NTNG2: variants seen among roughly 807,000 people sequenced by gnomAD.
The protein encoded by NTNG2 is netrin G2, also known as netrin-G2.
In NTNG2, 15 loss-of-function variants were observed where a neutral mutation model predicts 47.6. That is an observed-to-expected ratio of 0.32 (90% CI 0.21 to 0.49). The LOEUF is 0.49. Ranked by LOEUF, NTNG2 falls within the 20% of genes least tolerant of loss-of-function variation. NTNG2 has a pLI of 0.99. For missense variants in NTNG2, 578 were observed against 764.6 expected (o/e 0.76, Z 2.88); for synonymous variants, 307 against 324.6 (o/e 0.95, Z 0.58).
In NTNG2 at chr9:132,241,983, C is replaced by A. The variant is rs780157790; in HGVS notation, c.1465C>A (p.Pro489Thr). The stretch of plus-strand genomic sequence containing the variant: ...CTACACCGGCGTGCGCTGCGAGCAG[C>A]CCCGCTGCGACCCCGCCGACGATGA... Reference protein sequence around the residue: ...RGYTGVRCEQPRCDPADDDGG... With the variant: ...RGYTGVRCEQTRCDPADDDGG... The change falls in exon 8 of 8, where the codon CCC becomes ACC. Residue 489 changes from proline (P) to threonine (T), a missense_variant. By Grantham distance (38) the Pro-to-Thr change is conservative. Transcript: ENST00000393229. 1.0e-4 allele frequency: 156 copies of A among 1,503,238 alleles called. No homozygotes were observed. The highest frequency in any genetic ancestry group is 8.6e-4 in the Admixed American group (40 of 46,592). The allele number at this position is 1,503,238 out of a possible 1,614,324, so 93.1% of individuals were successfully genotyped here.
intron 4 of NTNG2, among the ~76,000 whole-genome samples, 196 bp downstream of exon 4, chr9:132,227,217 ACGTGCATGCACAGAAACACACGTG>A (rs1336672128): frequency 1.3e-5 from 2 of 152,174 alleles, no homozygotes; most frequent in Admixed American, 6.5e-5. Context: ...ATGCAAAAAC[ACGTGCATGCACAGAAACACACGTG>A]CGTGCATGCA....
chr9:132,171,334 G>C (rs7858628), intron 2 of NTNG2, among the ~76,000 whole-genome samples: 36,074 of 152,120 alleles, frequency 0.24, 4,924 homozygotes, highest in African/African-American at 0.37. Flanking sequence ...CCGACTTCCT[G>C]GGAGAGGAAA....
intron 3 of NTNG2, among the ~76,000 whole-genome samples, chr9:132,224,732 C>T (rs1424689889): frequency 6.6e-6 from 1 of 152,156 alleles, no homozygotes; most frequent in African/African-American, 2.4e-5. Context: ...GAATATAGAG[C>T]ACACTCTGTC....
At position 132,239,229 on chromosome 9, in the gene NTNG2, C is replaced by T. The variant is rs1355582431; in HGVS notation, c.1180C>T (p.Arg394Cys). Residue 394 changes from arginine to cysteine, a missense_variant, in exon 6 of 8, where the codon CGC becomes TGC. Transcript: ENST00000393229. ...HCQHCRLGYYRNGSAELDDEN... is the reference protein window; with the variant it reads ...HCQHCRLGYYCNGSAELDDEN... ...CCAGCACTGCCGGCTGGGCTACTACCGCAACGGCTCGGCAGAGCTGGATGA... is the reference window on the plus strand; with the variant it reads ...CCAGCACTGCCGGCTGGGCTACTACTGCAACGGCTCGGCAGAGCTGGATGA... 6.2e-7 allele frequency: 1 copy of T among 1,613,726 alleles called. No homozygotes were observed. Among genetic ancestry groups the T allele is most frequent in the Admixed American group, 1.7e-5 (1 of 60,020 alleles).
Position 132,166,927 on chromosome 9 carries a change from C to A in NTNG2, c.96C>A (p.Pro32=). 6.2e-7 allele frequency: 1 copy of A among 1,614,242 alleles called. No homozygotes were observed. The highest frequency in any genetic ancestry group is 8.5e-7 in the Non-Finnish European group (1 of 1,180,032). ...CKSWVTTDEG[P]TWEFYACQPK... is the part of the protein sequence containing the mutation. ...CCTGGGTGACCACAGATGAGGGCCC[C>A]ACCTGGGAGTTCTACGCCTGCCAGC... Residue 32 remains proline, a synonymous_variant, in exon 2 of 8, where the codon CCC becomes CCA. Coordinates refer to ENST00000393229, the MANE Select transcript of NTNG2 (RefSeq NM_032536.4).
intron 3 of NTNG2, among the ~76,000 whole-genome samples, chr9:132,220,862 ATTAT>A (rs1165784928): frequency 6.6e-6 from 1 of 152,146 alleles, no homozygotes; most frequent in Non-Finnish European, 1.5e-5. Flanking sequence ...GGTCTCCCAT[ATTAT>A]TTATTTATTT....
intron 3 of NTNG2, among the ~76,000 whole-genome samples, chr9:132,225,978 A>G (rs913547688): frequency 6.6e-6 from 1 of 151,926 alleles, no homozygotes. Flanking sequence ...TAGAGGCTTG[A>G]TCTGATTCAG....
chr9:132,213,195 G>A (rs557432157), intron 3 of NTNG2, among the ~76,000 whole-genome samples: 12 of 152,188 alleles, frequency 7.9e-5, no homozygotes, highest in South Asian at 6.2e-4. Flanking sequence ...AGTGGTGCAT[G>A]CCTATAATCC....
Position 132,242,175 on chromosome 9 carries a change from C to T in NTNG2, c.*64C>T. 1.2e-6 allele frequency: 1 copy of T among 848,920 alleles called. No homozygotes were observed. The highest frequency in any genetic ancestry group is 5.6e-5 in the South Asian group (1 of 18,010). 52.6% of individuals were successfully genotyped at this position (848,920 alleles called of 1,614,324 possible). A position where few individuals can be genotyped will look rare whatever the true frequency, so the allele number is the denominator to read the frequency against. ...GGGTCCCGGGGTCCCGGGGCGGGGC[C>T]GGCGTCCGAGGCCGGGCGGTGAGAA... On this transcript the variant is annotated 3_prime_UTR_variant, in exon 8 of 8. Coordinates refer to ENST00000393229, the MANE Select transcript of NTNG2 (RefSeq NM_032536.4). This position sits in a 1 kb window ranked among gnomAD's most constrained non-coding sequence, Gnocchi z 5.9.
chr9:132,185,896 A>AGG (rs1316095289), intron 2 of NTNG2, among the ~76,000 whole-genome samples: 1 of 142,606 alleles, frequency 7.0e-6, no homozygotes, highest in African/African-American at 2.7e-5. Context: ...GGAGGAGGGA[A>AGG]AGGAGGAGGA....
At chr9:132,196,268 G>A (rs1838307480) in intron 2 of NTNG2, among the ~76,000 whole-genome samples, 1 of 152,216 alleles carries the variant, frequency 6.6e-6, no homozygotes, top group Non-Finnish European at 1.5e-5. Context: ...TCGGCTCACT[G>A]CAACCTACGC....
chr9:132,188,788 A>G (rs934231746), intron 2 of NTNG2, among the ~76,000 whole-genome samples: 1 of 152,160 alleles, frequency 6.6e-6, no homozygotes, highest in African/African-American at 2.4e-5. Context: ...AGCCAGTGCT[A>G]GTAACCTCAT....
rs2131059940 is a variant in NTNG2, at chr9:132,241,462, GGTGGGAACTACGAGAA to G, written c.1358-413_1358-398del. The stretch of plus-strand genomic sequence containing the variant: ...TGCGACCTGAGGCACGGTGGTGCCT[GGTGGGAACTACGAGAA>G]AGACCGAGCTGGGGTTGGTTGGAAA... On this transcript the variant is annotated intron_variant, in intron 7 of 7. Transcript: ENST00000393229. 1.8e-5 allele frequency: 6 copies of G among 333,566 alleles called. No individual in the cohort carries two copies. In the South Asian group the frequency reaches 2.2e-4, roughly 12 times the overall value. 20.7% of individuals were successfully genotyped at this position (333,566 alleles called of 1,614,324 possible).
chr9:132,163,419 C>G lies in NTNG2; in HGVS notation c.-484+1180C>G, dbSNP rs1835240223. Among the ~76,000 whole-genome samples, 1 of 151,704 alleles carries G rather than the reference C, an allele frequency of 6.6e-6. No individual in the cohort carries two copies. Among genetic ancestry groups the G allele is most frequent in the African/African-American group, 2.4e-5 (1 of 41,356 alleles). On this transcript the variant is annotated intron_variant, in intron 1 of 7. Coordinates refer to ENST00000393229, the MANE Select transcript of NTNG2 (RefSeq NM_032536.4). The surrounding 1 kb of genome is among the most constrained non-coding windows in gnomAD (Gnocchi z 7.2). ...GGGCCCGCTCCGGAGCGGGGGGACA[C>G]CCGGGCCGCCGGAATTAAGAGGCCC... is the stretch of plus-strand genomic sequence containing the variant.
intron 6 of NTNG2, among the ~76,000 whole-genome samples, chr9:132,240,327 G>A (rs1252238435): frequency 1.3e-5 from 2 of 152,180 alleles, no homozygotes; most frequent in African/African-American, 2.4e-5. Flanking sequence ...CCACACCCTG[G>A]CACCCTCCTC....
intron 4 of NTNG2, among the ~76,000 whole-genome samples, chr9:132,228,355 C>T (rs527421455): frequency 4.7e-4 from 71 of 152,300 alleles, no homozygotes; most frequent in Non-Finnish European, 8.1e-4. Context: ...AAGAGCACTC[C>T]GGGGGCTGAC....
In NTNG2 at chr9:132,180,763, A is replaced by C. The variant is rs531435453; in HGVS notation, c.213+13719A>C. On this transcript the variant is annotated intron_variant, in intron 2 of 7. Coordinates refer to ENST00000393229, the MANE Select transcript of NTNG2 (RefSeq NM_032536.4). The surrounding 1 kb of genome is among the most constrained non-coding windows in gnomAD (Gnocchi z 4.2). The stretch of plus-strand genomic sequence containing the variant: ...CATCCAGGAAGACCCAGAGGGGAGA[A>C]ATGCAGGGAACCTACCCAGAAAACC... 5.4e-4 allele frequency among the ~76,000 whole-genome samples: 82 copies of C among 152,314 alleles called. No homozygotes were observed. Among genetic ancestry groups the C allele is most frequent in the African/African-American group, 1.9e-3 (77 of 41,568 alleles).
Position 132,227,323 on chromosome 9 carries a change from C to T in NTNG2, c.1030+302C>T, listed in dbSNP as rs1840850049. ...ATAACAAGTCCCTCTAGCATACCTGCATCCTGCTGAATGCTAAGCTGCCCT... is the reference window on the plus strand; with the variant it reads ...ATAACAAGTCCCTCTAGCATACCTGTATCCTGCTGAATGCTAAGCTGCCCT... On this transcript the variant is annotated intron_variant, in intron 4 of 7. Coordinates refer to ENST00000393229, the MANE Select transcript of NTNG2 (RefSeq NM_032536.4). Among the ~76,000 whole-genome samples, 5 of 152,258 alleles carry T rather than the reference C, an allele frequency of 3.3e-5. No individual in the cohort carries two copies. The South Asian group carries it at 1.0e-3, about 31-fold the overall frequency.
At chr9:132,177,721 G>A (rs542134484) in intron 2 of NTNG2, among the ~76,000 whole-genome samples, 2 of 152,192 alleles carry the variant, frequency 1.3e-5, no homozygotes, top group African/African-American at 2.4e-5. Context: ...GCAGTGGTGC[G>A]ATCTCAGCTC....
Sources: gnomAD v4.1 joint callset for allele counts (sites outside exome capture counted in the v4.1 genomes callset) on GRCh38, gnomAD v4.1.1 for gene constraint, Gnocchi (gnomAD v3.1) non-coding constraint, MANE v1.5 for transcripts, NCBI Gene and HGNC (gene_info 2026-07-23, HGNC 2026-07-21) for gene names.